The following RFFL variants were observed in gnomAD, a reference collection of about 807,000 sequenced individuals.
The protein encoded by RFFL is E3 ubiquitin-protein ligase rififylin.
A neutral mutation model predicts 40.4 loss-of-function variants in RFFL; 16 were observed. The observed-to-expected ratio is 0.40, with a 90% CI of 0.27 to 0.60. The LOEUF is 0.60. Ranked by LOEUF, RFFL falls within the 20% of genes least tolerant of loss-of-function variation. The pLI is 0.47. For synonymous variants in RFFL, 154 were observed against 167.9 expected (o/e 0.92, Z 0.64); for missense variants, 367 against 451.7 (o/e 0.81, Z 1.70).
intron 1 of RFFL, among the ~76,000 whole-genome samples, chr17:35,082,654 A>G (rs778096352): frequency 6.6e-6 from 1 of 152,270 alleles, no homozygotes; most frequent in Non-Finnish European, 1.5e-5. Flanking sequence ...TTAGAAAAGC[A>G]TCTTAAGCCT....
At chr17:35,022,060 C>T (rs1395394353) in intron 2 of RFFL, among the ~76,000 whole-genome samples, 2 of 152,178 alleles carry the variant, frequency 1.3e-5, no homozygotes, top group African/African-American at 2.4e-5. Flanking sequence ...TCCTGAAGCA[C>T]CTGAGGTATT....
intron 5 of RFFL, 117 bp downstream of exon 5, chr17:35,016,253 A>AT: frequency 1.2e-6 from 1 of 858,092 alleles, no homozygotes; most frequent in Non-Finnish European, 1.9e-6. Flanking sequence ...CAAATATGTA[A>AT]GGTGTCTCCT....
chr17:35,058,761 A>T (rs1047385557), intron 1 of RFFL, among the ~76,000 whole-genome samples: 1 of 151,864 alleles, frequency 6.6e-6, no homozygotes, highest in African/African-American at 2.4e-5. Context: ...ACAGAGCGAG[A>T]CTCTGTTTCA....
intron 4 of RFFL, 35 bp downstream of exon 4, chr17:35,017,488 A>C: frequency 7.2e-7 from 1 of 1,389,390 alleles, no homozygotes; most frequent in Non-Finnish European, 1.0e-6. Flanking sequence ...GTGAAAGAGG[A>C]AAGGTGAAGA....
chr17:35,046,272 A>G lies in RFFL; in HGVS notation c.-9+17304T>C, dbSNP rs181014837. 2.0e-5 allele frequency among the ~76,000 whole-genome samples: 3 copies of G among 152,350 alleles called. No individual in the cohort carries two copies. In the East Asian group the frequency reaches 5.8e-4, roughly 29 times the overall value. On this transcript the variant is annotated intron_variant, in intron 1 of 6. Transcript: ENST00000394597. ...AAGACGGTCACTTCCATCTCTTCCT[A>G]AAAAGACACAGAAGGCTTCAATGCC...
At chr17:35,041,284 T>C (rs1353566347) in intron 1 of RFFL, among the ~76,000 whole-genome samples, 1 of 151,898 alleles carries the variant, frequency 6.6e-6, no homozygotes, top group Non-Finnish European at 1.5e-5. Context: ...CCCACTGCCC[T>C]CCTCCCCTCA....
chr17:35,069,173 TTC>T, intron 1 of RFFL: 1 of 444,326 alleles, frequency 2.3e-6, no homozygotes, highest in Non-Finnish European at 4.6e-6. Context: ...AATTCGTCTC[TTC>T]TCCTAATACA....
intron 1 of RFFL, chr17:35,069,194 C>A: frequency 2.2e-6 from 1 of 455,786 alleles, no homozygotes. Flanking sequence ...CACACACTCA[C>A]ATGCTCTGTC....
intron 1 of RFFL, among the ~76,000 whole-genome samples, chr17:35,059,564 A>G (rs1396554960): frequency 6.6e-6 from 1 of 152,240 alleles, no homozygotes; most frequent in East Asian, 1.9e-4. Context: ...GTAATTTGTC[A>G]CACAATAGAC....
intron 1 of RFFL, among the ~76,000 whole-genome samples, chr17:35,059,750 C>A (rs1481008914): frequency 1.3e-5 from 2 of 152,150 alleles, no homozygotes; most frequent in East Asian, 3.8e-4. Flanking sequence ...ATCCCCCTGG[C>A]AAAACTATTC....
At chr17:35,038,221 A>G (rs897897300) in intron 1 of RFFL, among the ~76,000 whole-genome samples, 2 of 150,268 alleles carry the variant, frequency 1.3e-5, no homozygotes, top group East Asian at 4.0e-4. Flanking sequence ...CCTGGGAGGC[A>G]GAGGTTGCAG....
At chr17:35,067,445 C>G (rs2091325991), upstream of RFFL, among the ~76,000 whole-genome samples, 1 of 149,428 alleles carries the variant, frequency 6.7e-6, no homozygotes, top group African/African-American at 2.5e-5. Flanking sequence ...AAGTATCTCT[C>G]TCTTCCAAGC....
chr17:35,024,116 T>G (rs902933544), intron 2 of RFFL, among the ~76,000 whole-genome samples: 3 of 152,150 alleles, frequency 2.0e-5, no homozygotes, highest in Non-Finnish European at 2.9e-5. Flanking sequence ...TACTGAGATA[T>G]CCAGCATCAC....
intron 1 of RFFL, among the ~76,000 whole-genome samples, chr17:35,040,522 G>A (rs534997670): frequency 1.3e-5 from 2 of 151,236 alleles, no homozygotes; most frequent in Non-Finnish European, 2.9e-5. Flanking sequence ...AGAATCACTT[G>A]AACCTGGAAG....
In RFFL at chr17:35,011,551, G is replaced by A. The variant is rs933065556; in HGVS notation, c.*417C>T. ...AGAGACCAGAAATTTAAATCCGAAT[G>A]TGCTGGGGAGGAGGACTTCTGATTG... is the stretch of plus-strand genomic sequence containing the variant. On this transcript the variant is annotated 3_prime_UTR_variant, in exon 7 of 7. Coordinates refer to ENST00000394597, the MANE Select transcript of RFFL (RefSeq NM_001017368.2). 2 of 170,570 alleles carry A rather than the reference G, an allele frequency of 1.2e-5. No homozygotes were observed. Among genetic ancestry groups the A allele is most frequent in the Non-Finnish European group, 2.5e-5 (2 of 78,672 alleles). 10.6% of individuals were successfully genotyped at this position (170,570 alleles called of 1,614,324 possible). A position where few individuals can be genotyped will look rare whatever the true frequency, so the allele number is the denominator to read the frequency against.
At chr17:35,040,746 T>C (rs948075615) in intron 1 of RFFL, among the ~76,000 whole-genome samples, 1 of 151,780 alleles carries the variant, frequency 6.6e-6, no homozygotes, top group Non-Finnish European at 1.5e-5. Context: ...CCTTAGGCCC[T>C]TTAGATTTGT....
chr17:35,027,582 G>A (rs2091050703), intron 1 of RFFL, among the ~76,000 whole-genome samples: 1 of 152,020 alleles, frequency 6.6e-6, no homozygotes, highest in Non-Finnish European at 1.5e-5. Context: ...AAATTAGCAG[G>A]GTGTGGTGGC....
intron 1 of RFFL, among the ~76,000 whole-genome samples, chr17:35,049,616 G>GA (rs1204171553): frequency 1.3e-5 from 2 of 152,212 alleles, no homozygotes; most frequent in African/African-American, 4.8e-5. Context: ...GCCAAGGGGT[G>GA]AAGCAATTCA....
At chr17:35,016,209 C>G (rs557715682) in intron 5 of RFFL, among the ~76,000 whole-genome samples, 161 bp downstream of exon 5, 1 of 152,296 alleles carries the variant, frequency 6.6e-6, no homozygotes, top group Non-Finnish European at 1.5e-5. Flanking sequence ...AGTTTTGACA[C>G]TCAACCACAA....
Sources: gnomAD v4.1 joint callset for allele counts (sites outside exome capture counted in the v4.1 genomes callset) on GRCh38, gnomAD v4.1.1 for gene constraint, MANE v1.5 for transcripts, NCBI Gene and HGNC (gene_info 2026-07-23, HGNC 2026-07-21) for gene names.